The following TMEM116 variants were observed in gnomAD, a reference collection of about 807,000 sequenced individuals.
TMEM116 encodes the protein transmembrane protein 116.
Under a neutral mutation model 44.3 loss-of-function variants are expected in TMEM116, and 38 were observed. That is an observed-to-expected ratio of 0.86 (90% CI 0.66 to 1.12). TMEM116 has a LOEUF of 1.12. Ranked by LOEUF, TMEM116 falls within the 50% of genes most tolerant of loss-of-function variation. The pLI is 0.00. For synonymous variants in TMEM116, 132 were observed against 144.8 expected, an observed-to-expected ratio of 0.91 and a Z score of 0.64; for missense variants, 354 against 401.7, an observed-to-expected ratio of 0.88 and a Z score of 1.01.
chr12:111,944,887 C>A (rs1319412219), intron 4 of TMEM116, among the ~76,000 whole-genome samples: 3 of 151,894 alleles, frequency 2.0e-5, no homozygotes, highest in Non-Finnish European at 4.4e-5. Flanking sequence ...ATTAGCTGTA[C>A]ATAAAAGGCT....
At chr12:111,957,423 T>C (rs2136353035) in intron 4 of TMEM116, among the ~76,000 whole-genome samples, 1 of 150,378 alleles carries the variant, frequency 6.6e-6, no homozygotes, top group Middle Eastern at 3.6e-3. Flanking sequence ...GGGGAGCCCC[T>C]CCGCCCGGCA....
At chr12:111,985,705 A>G (rs2076187902) in intron 4 of TMEM116, among the ~76,000 whole-genome samples, 2 of 152,048 alleles carry the variant, frequency 1.3e-5, no homozygotes, top group African/African-American at 2.4e-5. Flanking sequence ...CTCCCATCCC[A>G]GCCTCCAGAG....
At chr12:111,973,957 T>C (rs1671912727) in intron 4 of TMEM116, among the ~76,000 whole-genome samples, 1 of 151,886 alleles carries the variant, frequency 6.6e-6, no homozygotes, top group African/African-American at 2.4e-5. Context: ...CTACAGTATA[T>C]AAAAATAATA....
Position 111,933,928 on chromosome 12 carries a change from C to T in TMEM116, c.691G>A (p.Val231Met), listed in dbSNP as rs754900329. 5 of 1,614,056 alleles carry T rather than the reference C, an allele frequency of 3.1e-6. No homozygotes were observed. Among genetic ancestry groups the T allele is most frequent in the Non-Finnish European group, 4.2e-6 (5 of 1,180,042 alleles). The change falls in exon 9 of 11, where the codon GTG becomes ATG. Residue 231 changes from valine to methionine, a missense_variant. Val to Met is a conservative substitution (Grantham distance 21). Coordinates refer to ENST00000552374, the MANE Select transcript of TMEM116 (RefSeq NM_001193531.2). ...AAGAAGGCCACTGGGTAGAAGCGCA[C>T]CCGTTGGTCCACAATGTGAATCACT... ...WAVIHIVDQR[V>M]RFYPVAFFCC... is the part of the protein sequence containing the mutation.
chr12:111,996,100 A>G (rs2076920712), intron 3 of TMEM116, among the ~76,000 whole-genome samples: 1 of 151,912 alleles, frequency 6.6e-6, no homozygotes, highest in African/African-American at 2.4e-5. Flanking sequence ...ATGTGAAAGG[A>G]CAAAAACTGT....
At chr12:111,952,353 A>G (rs938589409) in intron 4 of TMEM116, among the ~76,000 whole-genome samples, 1 of 152,234 alleles carries the variant, frequency 6.6e-6, no homozygotes, top group Non-Finnish European at 1.5e-5. Context: ...GAACAACAAC[A>G]ATAACAAAAA....
intron 4 of TMEM116, among the ~76,000 whole-genome samples, chr12:111,980,562 C>T (rs2075882373): frequency 1.3e-5 from 2 of 152,128 alleles, no homozygotes; most frequent in Non-Finnish European, 2.9e-5. Flanking sequence ...GAGTAAACTA[C>T]TGACTTTAGT....
Position 111,943,348 on chromosome 12 carries a change from G to T in TMEM116, c.232C>A (p.Leu78Ile). 1 of 1,613,376 alleles carries T rather than the reference G, an allele frequency of 6.2e-7. No homozygotes were observed. Among genetic ancestry groups the T allele is most frequent in the Non-Finnish European group, 8.5e-7 (1 of 1,179,356 alleles). Residue 78 changes from leucine (L) to isoleucine (I), a missense_variant, in exon 5 of 11, where the codon CTC (leucine) becomes ATC (isoleucine). Coordinates refer to ENST00000552374, the MANE Select transcript of TMEM116 (RefSeq NM_001193531.2). ...TACCAGATGTAATTGACGGTGTAGA[G>T]AAATGAGGAAATGTAGAATATCTAG... ...VGQIFYISSF[L>I]YTVNYIWYLY...
chr12:111,964,944 C>T (rs2074887414), intron 4 of TMEM116, among the ~76,000 whole-genome samples: 1 of 152,130 alleles, frequency 6.6e-6, no homozygotes, highest in South Asian at 2.1e-4. Context: ...CCTCCCACCT[C>T]AGCCTCTCAA....
At chr12:111,971,486 C>A (rs1050930595) in intron 4 of TMEM116, among the ~76,000 whole-genome samples, 2 of 143,646 alleles carry the variant, frequency 1.4e-5, no homozygotes, top group Non-Finnish European at 1.5e-5. Flanking sequence ...CCCTGTAACA[C>A]AACCAGTAAC....
intron 1 of TMEM116, among the ~76,000 whole-genome samples, chr12:112,007,134 G>A (rs558095231): frequency 6.6e-6 from 1 of 152,286 alleles, no homozygotes; most frequent in Non-Finnish European, 1.5e-5. Context: ...AATAAAACAC[G>A]GCCAGTGTGC....
chr12:111,963,775 C>T (rs995268756), intron 4 of TMEM116, among the ~76,000 whole-genome samples: 1 of 152,024 alleles, frequency 6.6e-6, no homozygotes, highest in Admixed American at 6.6e-5. Flanking sequence ...TGTAACAAAC[C>T]TGCACGTCCT....
At chr12:111,957,085 A>G (rs61941304) in intron 4 of TMEM116, among the ~76,000 whole-genome samples, 111 of 113,784 alleles carry the variant, frequency 9.8e-4, no homozygotes, top group Middle Eastern at 7.9e-3. Context: ...CTGCCTGGCC[A>G]CCCATCGTCT....
intron 4 of TMEM116, among the ~76,000 whole-genome samples, chr12:111,967,395 T>C (rs1303670324): frequency 1.3e-5 from 2 of 152,140 alleles, no homozygotes; most frequent in Non-Finnish European, 1.5e-5. Context: ...AGTAAAATAG[T>C]GTATTTTTTT....
In TMEM116 at chr12:111,991,816, T is replaced by TA; in HGVS notation, c.151dup (p.Tyr51LeufsTer8). 6.5e-7 allele frequency: 1 copy of TA among 1,535,944 alleles called. No individual in the cohort carries two copies. The highest frequency in any genetic ancestry group is 8.7e-7 in the Non-Finnish European group (1 of 1,146,656). ...GTCCTTATTTGCTACTGAAGCTCCA[T>TA]AGAGAAGTGTCTCCGTGAGCCAGCA... is the stretch of plus-strand genomic sequence containing the variant. On this transcript the variant is annotated frameshift_variant, in exon 4 of 11. Transcript: ENST00000552374. LOFTEE classifies it high-confidence loss of function.
chr12:111,976,558 C>A (rs932923519), intron 4 of TMEM116, among the ~76,000 whole-genome samples: 1 of 152,086 alleles, frequency 6.6e-6, no homozygotes, highest in Non-Finnish European at 1.5e-5. Flanking sequence ...TTACCTAATA[C>A]CTCACAACTT....
chr12:111,960,353 G>T (rs978510691), intron 4 of TMEM116, among the ~76,000 whole-genome samples: 3 of 151,590 alleles, frequency 2.0e-5, no homozygotes, highest in African/African-American at 7.3e-5. Flanking sequence ...TTAGCTGGGG[G>T]TGGTGGCGGG....
chr12:111,941,623 T>A (rs1367688722), intron 5 of TMEM116, among the ~76,000 whole-genome samples: 1 of 152,174 alleles, frequency 6.6e-6, no homozygotes, highest in African/African-American at 2.4e-5. Context: ...TTTTTATTAT[T>A]GAAAAAAGTT....
chr12:111,971,865 C>A (rs953770267), intron 4 of TMEM116, among the ~76,000 whole-genome samples: 3 of 151,816 alleles, frequency 2.0e-5, no homozygotes, highest in Non-Finnish European at 4.4e-5. Flanking sequence ...TTGCTTGAGG[C>A]CAAGAATCTG....
Sources: gnomAD v4.1 joint callset for allele counts (sites outside exome capture counted in the v4.1 genomes callset) on GRCh38, gnomAD v4.1.1 for gene constraint, MANE v1.5 for transcripts, NCBI Gene and HGNC (gene_info 2026-07-23, HGNC 2026-07-21) for gene names.